URM1: variants seen among roughly 807,000 people sequenced by gnomAD.
The protein encoded by URM1 is ubiquitin-related modifier 1.
A neutral mutation model predicts 17.7 loss-of-function variants in URM1; 11 were observed. That is an observed-to-expected ratio of 0.62 (90% confidence interval 0.39 to 1.03). URM1 has a LOEUF of 1.03. Among genes scored for constraint, URM1 ranks in the 50% least tolerant of loss-of-function variants. The probability of loss-of-function intolerance (pLI) is 0.00; values close to 1 mark genes in which losing one functional copy is unlikely to be tolerated. For missense variants in URM1, 128 were observed against 129.2 expected, an observed-to-expected ratio of 0.99 and a Z score of 0.04; for synonymous variants, 48 against 50.6, an observed-to-expected ratio of 0.95 and a Z score of 0.22.
chr9:128,376,670 AT>A (rs1833082526), intron 1 of URM1, among the ~76,000 whole-genome samples: 1 of 147,476 alleles, frequency 6.8e-6, no homozygotes, highest in East Asian at 2.0e-4. Flanking sequence ...CAATAAATAA[AT>A]TTTTTTAAAA....
intron 1 of URM1, among the ~76,000 whole-genome samples, chr9:128,376,255 T>G (rs975602688): frequency 6.6e-6 from 1 of 151,200 alleles, no homozygotes; most frequent in Non-Finnish European, 1.5e-5. Flanking sequence ...CCCAGCTACC[T>G]GGGGGCTGAT....
chr9:128,379,808 A>G (rs1377538938), intron 2 of URM1, among the ~76,000 whole-genome samples: 1 of 151,458 alleles, frequency 6.6e-6, no homozygotes, highest in Non-Finnish European at 1.5e-5. Flanking sequence ...TCAAAAAAAA[A>G]TAAAATAAAA....
intron 2 of URM1, 82 bp downstream of exon 2, chr9:128,378,188 C>T (rs1042851963): frequency 4.0e-5 from 39 of 970,156 alleles, no homozygotes; most frequent in Middle Eastern, 2.3e-4. Flanking sequence ...CCCGTTCAGG[C>T]CTGTGTTCTG....
At chr9:128,380,986 G>A (rs568843405) in intron 2 of URM1, among the ~76,000 whole-genome samples, 3 of 152,114 alleles carry the variant, frequency 2.0e-5, no homozygotes, top group Middle Eastern at 3.4e-3. Context: ...CACCACGCCC[G>A]GCTAATTTTT....
chr9:128,388,723 C>T, intron 3 of URM1: 1 of 986,928 alleles, frequency 1.0e-6, no homozygotes, highest in Non-Finnish European at 1.2e-6. Flanking sequence ...GGCAGGACTG[C>T]ACGTGAGCAT....
chr9:128,374,231 A>T (rs1263750705), intron 1 of URM1, among the ~76,000 whole-genome samples: 2 of 152,050 alleles, frequency 1.3e-5, no homozygotes, highest in Non-Finnish European at 2.9e-5. Context: ...CCCTCCCTTG[A>T]GGGCCAGTGA....
chr9:128,382,425 G>A (rs1165634268), intron 2 of URM1, among the ~76,000 whole-genome samples: 1 of 152,118 alleles, frequency 6.6e-6, no homozygotes, highest in African/African-American at 2.4e-5. Context: ...CCCAGCCTAG[G>A]GGCTGCCACT....
At chr9:128,373,563 C>T (rs944581225) in intron 1 of URM1, among the ~76,000 whole-genome samples, 5 of 152,146 alleles carry the variant, frequency 3.3e-5, no homozygotes, top group Non-Finnish European at 7.3e-5. Flanking sequence ...TCAGTGACCA[C>T]GTCTGCCACC....
chr9:128,373,576 T>G (rs1205961139), intron 1 of URM1, among the ~76,000 whole-genome samples: 2 of 152,114 alleles, frequency 1.3e-5, no homozygotes, highest in African/African-American at 4.8e-5. Flanking sequence ...CTGCCACCCT[T>G]TGTCTTCCCC....
intron 2 of URM1, among the ~76,000 whole-genome samples, chr9:128,386,366 C>T (rs1833227855): frequency 6.6e-6 from 1 of 152,212 alleles, no homozygotes; most frequent in Admixed American, 6.5e-5. Context: ...TGAGCTGCAG[C>T]TAGTTGGAGG....
intron 2 of URM1, among the ~76,000 whole-genome samples, chr9:128,382,731 A>C (rs917786559): frequency 1.3e-5 from 2 of 152,206 alleles, no homozygotes; most frequent in Non-Finnish European, 1.5e-5. Flanking sequence ...TTTGACATCT[A>C]TAAGAAAAGT....
rs990482262 is a variant in URM1, at chr9:128,387,955, C to T, written c.188+58C>T. On this transcript the variant is annotated intron_variant, in intron 3 of 4. Transcript: ENST00000372853. This position sits in a 1 kb window ranked among gnomAD's most constrained non-coding sequence, Gnocchi z 4.3. ...TGGAGGGAGGGACGGATATTTGAGC[C>T]CCCACCCTCGGGTTCAGTCCTGGCC... 26 of 1,609,458 alleles carry T rather than the reference C, an allele frequency of 1.6e-5. No individual in the cohort carries two copies. The highest frequency in any genetic ancestry group is 2.0e-5 in the Non-Finnish European group (24 of 1,177,988).
Position 128,378,131 on chromosome 9 carries a change from T to C in URM1, c.106+25T>C, listed in dbSNP as rs754185553. The C allele has an allele frequency of 1.9e-6, 3 of 1,541,284 alleles. No individual in the cohort carries two copies. In the South Asian group the frequency reaches 3.4e-5, roughly 18 times the overall value. On this transcript the variant is annotated intron_variant, in intron 2 of 4. Coordinates refer to ENST00000372853, the MANE Select transcript of URM1 (RefSeq NM_030914.4). The stretch of plus-strand genomic sequence containing the variant: ...TGTGAGTATTGGCTTTCTGAACCCC[T>C]CTCTTGGGGCCATTGAACAGGAGTT...
chr9:128,378,855 G>A (rs1388930988), intron 2 of URM1, among the ~76,000 whole-genome samples: 1 of 150,344 alleles, frequency 6.7e-6, no homozygotes, highest in Non-Finnish European at 1.5e-5. Flanking sequence ...GCTGGGGCAG[G>A]AGAATTGCTT....
At chr9:128,377,146 C>T (rs974746719) in intron 1 of URM1, among the ~76,000 whole-genome samples, 1 of 152,128 alleles carries the variant, frequency 6.6e-6, no homozygotes, top group Non-Finnish European at 1.5e-5. Context: ...TGCTAGGATT[C>T]CAGGTGTGAG....
intron 2 of URM1, among the ~76,000 whole-genome samples, chr9:128,381,379 G>A (rs1027553045): frequency 3.3e-5 from 5 of 152,198 alleles, no homozygotes; most frequent in Admixed American, 1.3e-4. Flanking sequence ...CTAATAGGTG[G>A]TCAGCAGAGG....
intron 2 of URM1, 55 bp downstream of exon 2, chr9:128,378,161 C>A (rs1347123111): frequency 7.6e-7 from 1 of 1,310,024 alleles, no homozygotes; most frequent in Non-Finnish European, 1.1e-6. Context: ...GGAGTTGGTC[C>A]ATGGGGAACA....
At chr9:128,379,010 C>T (rs1418844347) in intron 2 of URM1, among the ~76,000 whole-genome samples, 1 of 151,170 alleles carries the variant, frequency 6.6e-6, no homozygotes, top group African/African-American at 2.4e-5. Flanking sequence ...GTCAGGATAG[C>T]CTAGGGGCTG....
At chr9:128,374,271 G>A (rs1316506189) in intron 1 of URM1, among the ~76,000 whole-genome samples, 6 of 152,138 alleles carry the variant, frequency 3.9e-5, no homozygotes, top group Non-Finnish European at 5.9e-5. Context: ...CTCTCTGAGC[G>A]AGACTGGTTC....
Sources: gnomAD v4.1 joint callset for allele counts (sites outside exome capture counted in the v4.1 genomes callset) on GRCh38, gnomAD v4.1.1 for gene constraint, Gnocchi (gnomAD v3.1) non-coding constraint, MANE v1.5 for transcripts, NCBI Gene and HGNC (gene_info 2026-07-23, HGNC 2026-07-21) for gene names.